NSMCE2: variants seen among roughly 807,000 people sequenced by gnomAD.
The protein encoded by NSMCE2 is E3 SUMO-protein ligase NSE2.
A neutral mutation model predicts 23.8 loss-of-function variants in NSMCE2; 24 were observed. The ratio of observed to expected loss-of-function variants is 1.01; its 90% CI spans 0.73 to 1.42. The LOEUF (loss-of-function observed/expected upper bound fraction) is 1.42, where lower values mean the gene tolerates loss of function less well. NSMCE2 is among the 40% of genes most tolerant of loss of function. The probability of loss-of-function intolerance (pLI) is 0.00; values close to 1 mark genes in which losing one functional copy is unlikely to be tolerated. For missense variants in NSMCE2, 284 were observed against 296.5 expected (o/e 0.96, Z 0.31); for synonymous variants, 92 against 94.1 (o/e 0.98, Z 0.13).
chr8:125,347,707 T>A (rs557185387), intron 5 of NSMCE2, among the ~76,000 whole-genome samples: 1 of 152,190 alleles, frequency 6.6e-6, no homozygotes, highest in East Asian at 1.9e-4. Flanking sequence ...AGTGTGGGTA[T>A]AGACAGTGGA....
chr8:125,354,476 T>A (rs1813169601), intron 5 of NSMCE2, among the ~76,000 whole-genome samples: 1 of 152,236 alleles, frequency 6.6e-6, no homozygotes, highest in South Asian at 2.1e-4. Flanking sequence ...CCTTTAACAT[T>A]TAGTAATTTC....
intron 7 of NSMCE2, among the ~76,000 whole-genome samples, chr8:125,362,208 C>T (rs1813591400): frequency 1.3e-5 from 2 of 152,188 alleles, no homozygotes; most frequent in African/African-American, 2.4e-5. Flanking sequence ...GGGATTAATG[C>T]CGAATGCTTA....
intron 4 of NSMCE2, among the ~76,000 whole-genome samples, chr8:125,176,594 A>C (rs572660288): frequency 6.6e-6 from 1 of 152,298 alleles, no homozygotes; most frequent in African/African-American, 2.4e-5. Context: ...CTGTGTATTC[A>C]GCAACACTGG....
chr8:125,193,447 A>G (rs1823454529), intron 5 of NSMCE2, among the ~76,000 whole-genome samples: 1 of 152,252 alleles, frequency 6.6e-6, no homozygotes, highest in Admixed American at 6.5e-5. Context: ...GCTAATAAAC[A>G]TATGAAAAAT....
intron 3 of NSMCE2, among the ~76,000 whole-genome samples, chr8:125,119,198 A>G (rs946265711): frequency 2.6e-5 from 4 of 152,134 alleles, no homozygotes; most frequent in African/African-American, 7.2e-5. Flanking sequence ...TAAATTTCCA[A>G]TCATTCCAAC....
intron 5 of NSMCE2, among the ~76,000 whole-genome samples, chr8:125,282,387 T>G (rs1827730182): frequency 6.6e-6 from 1 of 152,140 alleles, no homozygotes; most frequent in African/African-American, 2.4e-5. Flanking sequence ...ATGCTGAGAT[T>G]ATAGGTGTGA....
intron 4 of NSMCE2, among the ~76,000 whole-genome samples, chr8:125,165,017 C>T (rs7014707): frequency 0.14 from 21,126 of 152,154 alleles, 2,409 homozygotes; most frequent in African/African-American, 0.31. Flanking sequence ...TGTGGCATTA[C>T]ATGGGACATG....
chr8:125,192,460 T>G (rs1410649282), intron 5 of NSMCE2, among the ~76,000 whole-genome samples: 2 of 152,144 alleles, frequency 1.3e-5, no homozygotes, highest in Admixed American at 1.3e-4. Flanking sequence ...AATGAAATGT[T>G]TCAAGTTAAT....
chr8:125,124,421 C>T (rs1341892070), intron 3 of NSMCE2, among the ~76,000 whole-genome samples: 1 of 152,090 alleles, frequency 6.6e-6, no homozygotes, highest in East Asian at 1.9e-4. Context: ...CTGCTGAACT[C>T]ATTTATTTGT....
Position 125,260,045 on chromosome 8 carries a change from A to G in NSMCE2, c.418+77789A>G, listed in dbSNP as rs144147194. Among the ~76,000 whole-genome samples the G allele has an allele frequency of 1.5e-3, 231 of 152,318 alleles. 1 individual carries two copies. The highest frequency in any genetic ancestry group is 5.2e-3 in the African/African-American group (215 of 41,570). ...TTGCAGGCTGGATATTCTGGGATAA[A>G]TATTTTATTTAAAAATCTTTTAATG... is the stretch of plus-strand genomic sequence containing the variant. On this transcript the variant is annotated intron_variant, in intron 5 of 7. Coordinates refer to ENST00000287437, the MANE Select transcript of NSMCE2 (RefSeq NM_173685.4).
chr8:125,186,639 G>C (rs1823121489), intron 5 of NSMCE2, among the ~76,000 whole-genome samples: 1 of 152,200 alleles, frequency 6.6e-6, no homozygotes, highest in African/African-American at 2.4e-5. Context: ...TATACAATGT[G>C]GGACCTAAGT....
intron 5 of NSMCE2, among the ~76,000 whole-genome samples, chr8:125,337,441 C>G (rs76209931): frequency 1.3e-5 from 2 of 152,218 alleles, no homozygotes; most frequent in Admixed American, 6.5e-5. Context: ...GCAATTATCT[C>G]TGTTGCTCAA....
intron 5 of NSMCE2, among the ~76,000 whole-genome samples, chr8:125,183,213 T>C (rs1822913130): frequency 6.6e-6 from 1 of 152,254 alleles, no homozygotes; most frequent in Non-Finnish European, 1.5e-5. Flanking sequence ...AAATAGGCTT[T>C]CTTTTAAATA....
At chr8:125,366,487 C>G (rs1205432898) in intron 7 of NSMCE2, among the ~76,000 whole-genome samples, 1 of 151,992 alleles carries the variant, frequency 6.6e-6, no homozygotes, top group Non-Finnish European at 1.5e-5. Context: ...TTGCAGTGAG[C>G]CAGGATCGTG....
At chr8:125,271,275 A>G (rs1827178681) in intron 5 of NSMCE2, among the ~76,000 whole-genome samples, 1 of 151,646 alleles carries the variant, frequency 6.6e-6, no homozygotes, top group South Asian at 2.1e-4. Context: ...AAAAAAAAAA[A>G]GTATTACTCT....
chr8:125,142,762 G>A (rs1820448110), intron 3 of NSMCE2, among the ~76,000 whole-genome samples: 1 of 150,592 alleles, frequency 6.6e-6, no homozygotes, highest in Non-Finnish European at 1.5e-5. Flanking sequence ...GCACCACCAT[G>A]CCTGGCTAAT....
At chr8:125,247,908 C>A (rs10096127) in intron 5 of NSMCE2, among the ~76,000 whole-genome samples, 1 of 152,016 alleles carries the variant, frequency 6.6e-6, no homozygotes, top group Non-Finnish European at 1.5e-5. Context: ...ACTAAAGTGA[C>A]CACTTTCCTT....
chr8:125,165,571 C>T (rs921367451), intron 4 of NSMCE2, among the ~76,000 whole-genome samples: 11 of 152,152 alleles, frequency 7.2e-5, no homozygotes. Context: ...TATCTATTTG[C>T]AGACTTGGCC....
intron 5 of NSMCE2, among the ~76,000 whole-genome samples, chr8:125,243,501 TAA>T (rs36036418): frequency 1.3e-5 from 2 of 148,540 alleles, no homozygotes; most frequent in African/African-American, 4.9e-5. Context: ...AATAATTTTT[TAA>T]AAAAAAAAAC....
Sources: allele counts gnomAD v4.1 joint callset (sites outside exome capture counted in the v4.1 genomes callset), GRCh38; gene constraint gnomAD v4.1.1; transcripts MANE v1.5; gene names NCBI Gene and HGNC (gene_info 2026-07-23, HGNC 2026-07-21).